The following BEND2 variants were observed in gnomAD, a reference collection of about 807,000 sequenced individuals.
BEND2 encodes BEN domain containing 2.
In BEND2, 19 loss-of-function variants were observed where a neutral mutation model predicts 43.8. That is an observed-to-expected ratio of 0.43 (90% CI 0.30 to 0.64). The LOEUF (loss-of-function observed/expected upper bound fraction) is 0.64, where lower values mean the gene tolerates loss of function less well. Among genes scored for constraint, BEND2 ranks in the 30% least tolerant of loss-of-function variants. The pLI is 0.11. For missense variants in BEND2, 544 were observed against 574.0 expected (o/e 0.95, Z 0.53); for synonymous variants, 226 against 210.1 (o/e 1.08, Z -0.66).
intron 10 of BEND2, among the ~76,000 whole-genome samples, chrX:18,176,791 T>C (rs1167499721): frequency 9.0e-6 from 1 of 110,911 alleles, no homozygotes; most frequent in African/African-American, 3.3e-5. Flanking sequence ...CAAGAGAAAA[T>C]AGTGTTACTG....
At chrX:18,201,396 C>CAAAAAAAA (rs1227049211) in intron 6 of BEND2, among the ~76,000 whole-genome samples, 17 of 20,608 alleles carry the variant, frequency 8.2e-4, no homozygotes, top group African/African-American at 2.4e-3. Context: ...AACTCCATCT[C>CAAAAAAAA]AAAAAAAAAA....
At chrX:18,216,295 T>G (rs887429215) in intron 2 of BEND2, among the ~76,000 whole-genome samples, 2 of 110,244 alleles carry the variant, frequency 1.8e-5, no homozygotes, top group African/African-American at 6.6e-5. Flanking sequence ...AGAGAATATA[T>G]TCTCCCCAAT....
Position 18,201,910 on chromosome X carries a change from T to A in BEND2, c.938A>T (p.Lys313Ile), listed in dbSNP as rs1446223119. The stretch of plus-strand genomic sequence containing the variant: ...ATAATTCGCTGTCTCAGTGCTGTTT[T>A]TACTGCTGTTTGCTGGTCTTTCTGG... ...EMPERPANSS[K>I]NSTETANYPT... Residue 313 changes from lysine (K) to isoleucine (I), a missense_variant, in exon 6 of 14, where the codon AAA (lysine) becomes ATA (isoleucine). Physicochemically the swap from Lys to Ile is moderately radical, Grantham distance 102 (BLOSUM62 -3). Around this residue, in one of 2 missense-constraint regions of BEND2, gnomAD observed 501 missense variants for 501.6 expected, o/e 1.00. Transcript: ENST00000380033. 1 of 1,209,025 alleles carries A rather than the reference T, an allele frequency of 8.3e-7. No homozygotes were observed. The highest frequency in any genetic ancestry group is 1.1e-6 in the Non-Finnish European group (1 of 894,743).
intron 8 of BEND2, among the ~76,000 whole-genome samples, chrX:18,186,522 G>A (rs1036583564): frequency 9.1e-6 from 1 of 110,367 alleles, no homozygotes; most frequent in African/African-American, 3.3e-5. Flanking sequence ...AGTTAAAAAG[G>A]GAAATTAAGT....
chrX:18,167,569 A>G (rs1235278519), intron 13 of BEND2, among the ~76,000 whole-genome samples: 1 of 110,541 alleles, frequency 9.0e-6, no homozygotes, highest in Non-Finnish European at 1.9e-5. Flanking sequence ...ATTTTTTTCT[A>G]TTTTATTTCA....
intron 9 of BEND2, 83 bp downstream of exon 9, chrX:18,180,427 G>T: frequency 8.8e-7 from 1 of 1,141,730 alleles, no homozygotes; most frequent in African/African-American, 1.8e-5. Context: ...AGGAAACACA[G>T]AGCTTTCACT....
chrX:18,164,724 T>C lies in BEND2; in HGVS notation c.*285A>G, dbSNP rs1452089716. ...TACCTTATCAAAAAAACAAAGTATA[T>C]TAATGTCAATTATCTAAGTCAAAGC... On this transcript the variant is annotated 3_prime_UTR_variant, in exon 14 of 14. Transcript: ENST00000380033. 2 of 235,601 alleles carry C rather than the reference T, an allele frequency of 8.5e-6. No homozygotes were observed. Among genetic ancestry groups the C allele is most frequent in the African/African-American group, 5.7e-5 (2 of 34,904 alleles). 19.4% of individuals were successfully genotyped at this position (235,601 alleles called of 1,213,427 possible). A position where few individuals can be genotyped will look rare whatever the true frequency, so the allele number is the denominator to read the frequency against.
chrX:18,201,164 C>G (rs1216726144), intron 6 of BEND2, among the ~76,000 whole-genome samples: 1 of 110,486 alleles, frequency 9.1e-6, no homozygotes, highest in Admixed American at 9.7e-5. Flanking sequence ...GAGGCAGAGG[C>G]GGACAGATCA....
intron 8 of BEND2, 123 bp from the exon 9 acceptor site, chrX:18,180,773 C>CTTT: frequency 2.5e-6 from 1 of 401,378 alleles, no homozygotes; most frequent in Non-Finnish European, 4.1e-6. Flanking sequence ...CAGACCTACT[C>CTTT]TTTTTTTTTT....
intron 4 of BEND2, among the ~76,000 whole-genome samples, chrX:18,204,435 T>A (rs1255727598): frequency 8.9e-6 from 1 of 112,262 alleles, no homozygotes; most frequent in Non-Finnish European, 1.9e-5. Flanking sequence ...TCATCAAAGG[T>A]GGTTGCTCCC....
intron 8 of BEND2, among the ~76,000 whole-genome samples, chrX:18,185,349 C>T (rs182550904): frequency 1.9e-5 from 2 of 107,884 alleles, no homozygotes; most frequent in East Asian, 5.9e-4. Flanking sequence ...AGCAACGTGA[C>T]GAACCCCCAT....
At chrX:18,167,922 G>C (rs1456762422) in intron 13 of BEND2, among the ~76,000 whole-genome samples, 1 of 112,444 alleles carries the variant, frequency 8.9e-6, no homozygotes, top group Non-Finnish European at 1.9e-5. Context: ...CAGCCTAATA[G>C]GTTGTACTAT....
At chrX:18,185,484 T>C (rs1057396337) in intron 8 of BEND2, among the ~76,000 whole-genome samples, 16 of 107,873 alleles carry the variant, frequency 1.5e-4, no homozygotes, top group African/African-American at 5.4e-4. Context: ...TGAGCTGAGA[T>C]CACGCCACTG....
In BEND2 at chrX:18,211,698, G is replaced by A. The variant is rs148097734; in HGVS notation, c.492+867C>T. 2.7e-5 allele frequency among the ~76,000 whole-genome samples: 3 copies of A among 110,205 alleles called. No individual in the cohort carries two copies. In the East Asian group the frequency reaches 8.6e-4, roughly 32 times the overall value. On this transcript the variant is annotated intron_variant, in intron 4 of 13. Coordinates refer to ENST00000380033, the MANE Select transcript of BEND2 (RefSeq NM_153346.5). ...CTCAGGAGGCTGAGGTAGGAGAATCGCTTGAACCCGGGAGGTGGAGGTTGC... is the reference window on the plus strand; with the variant it reads ...CTCAGGAGGCTGAGGTAGGAGAATCACTTGAACCCGGGAGGTGGAGGTTGC...
intron 4 of BEND2, among the ~76,000 whole-genome samples, chrX:18,206,106 A>G (rs1204027074): frequency 8.9e-6 from 1 of 111,877 alleles, no homozygotes; most frequent in African/African-American, 3.3e-5. Flanking sequence ...GTATTAGGTT[A>G]CTACTAACGG....
intron 11 of BEND2, among the ~76,000 whole-genome samples, chrX:18,175,055 TAAGC>T (rs1374718273): frequency 9.0e-6 from 1 of 111,727 alleles, no homozygotes; most frequent in Admixed American, 9.5e-5. Flanking sequence ...TTCTGACACC[TAAGC>T]AAATATGCAA....
rs1427880448 is a variant in BEND2, at chrX:18,164,966, G to C, written c.*43C>G. ...TAGAACTTGAGAAACTTACAAAATA[G>C]TCTTAACAGTTAAAAAAAAAAAAAA... On this transcript the variant is annotated 3_prime_UTR_variant, in exon 14 of 14. Transcript: ENST00000380033. 8.8e-7 allele frequency: 1 copy of C among 1,139,928 alleles called. No homozygotes were observed. Among genetic ancestry groups the C allele is most frequent in the Non-Finnish European group, 1.2e-6 (1 of 852,742 alleles). The allele number at this position is 1,139,928 out of a possible 1,213,427, so 93.9% of individuals were successfully genotyped here.
In BEND2 at chrX:18,174,095, T is replaced by A; in HGVS notation, c.1916A>T (p.Asn639Ile). 1 of 1,211,763 alleles carries A rather than the reference T, an allele frequency of 8.3e-7. No homozygotes were observed. The highest frequency in any genetic ancestry group is 1.1e-6 in the Non-Finnish European group (1 of 895,398). Residue 639 changes from asparagine to isoleucine, a missense_variant, in exon 12 of 14, where the codon AAT (asparagine) becomes ATT (isoleucine). This residue lies in a region of BEND2 where 501 missense variants were observed against 501.6 expected (regional missense o/e 1.00). Transcript: ENST00000380033. Reference sequence around the variant, plus strand: ...TTCTCGCATTCCTTCAGGGATAGCATTACTGTTTGGCTGCAAGTTCCTCTT... The same window carrying A: ...TTCTCGCATTCCTTCAGGGATAGCAATACTGTTTGGCTGCAAGTTCCTCTT... ...REKRNLQPNS[N>I]AIPEGMREPS...
Position 18,191,065 on chromosome X carries a change from A to C in BEND2, c.1224T>G (p.Thr408=). Residue 408 remains threonine (T), a synonymous_variant, in exon 8 of 14, where the codon ACT becomes ACG. Transcript: ENST00000380033. ...CTTGGTCACAGTTATTTTTCATTTC[A>C]GTTGAGTAACTCATTGTCCCATAAC... is the stretch of plus-strand genomic sequence containing the variant. ...QMSYGTMSYS[T]EMKNNCDQDD... 8.3e-7 allele frequency: 1 copy of C among 1,210,377 alleles called. No homozygotes were observed. The highest frequency in any genetic ancestry group is 1.1e-6 in the Non-Finnish European group (1 of 894,877).
Sources: gnomAD v4.1 joint callset for allele counts (sites outside exome capture counted in the v4.1 genomes callset) on GRCh38, gnomAD v4.1.1 for gene constraint, gnomAD v4.1.1 regional missense constraint, MANE v1.5 for transcripts, NCBI Gene and HGNC (gene_info 2026-07-23, HGNC 2026-07-21) for gene names.